The following SLC1A4 variants were observed in gnomAD, a reference collection of about 807,000 sequenced individuals.
SLC1A4 encodes the protein solute carrier family 1 member 4, also known as neutral amino acid transporter A.
A neutral mutation model predicts 37.7 loss-of-function variants in SLC1A4; 19 were observed. The observed-to-expected ratio is 0.50, with a 90% CI of 0.35 to 0.74. The LOEUF is 0.74. Ranked by LOEUF, SLC1A4 falls within the 30% of genes least tolerant of loss-of-function variation. The pLI is 0.01. For missense variants in SLC1A4, 570 were observed against 712.9 expected (o/e 0.80, Z 2.28); for synonymous variants, 299 against 309.8 (o/e 0.97, Z 0.37).
chr2:64,997,621 T>C (rs1046453636), intron 1 of SLC1A4, among the ~76,000 whole-genome samples: 2 of 152,236 alleles, frequency 1.3e-5, no homozygotes, highest in African/African-American at 4.8e-5. Context: ...GCTGAGATTA[T>C]CCATGTTGTT....
chr2:65,005,398 A>T (rs1012155643), intron 3 of SLC1A4, among the ~76,000 whole-genome samples: 4 of 152,208 alleles, frequency 2.6e-5, no homozygotes, highest in Admixed American at 6.5e-5. Flanking sequence ...TCCTGATTTT[A>T]AAAAATGGAG....
At chr2:64,988,825 C>A (rs1672905905), upstream of SLC1A4, among the ~76,000 whole-genome samples, 1 of 152,138 alleles carries the variant, frequency 6.6e-6, no homozygotes, top group Non-Finnish European at 1.5e-5. Flanking sequence ...CCTCACCGCG[C>A]CCGGCCCCCT....
Position 64,990,141 on chromosome 2 carries a change from G to C in SLC1A4, c.498G>C (p.Glu166Asp). The C allele has an allele frequency of 6.2e-7, 1 of 1,609,614 alleles. No homozygotes were observed. The highest frequency in any genetic ancestry group is 8.5e-7 in the Non-Finnish European group (1 of 1,177,622). Residue 166 changes from glutamate to aspartate, a missense_variant, in exon 1 of 8, where the codon GAG becomes GAC. Physicochemically the swap from Glu to Asp is conservative, Grantham distance 45. Coordinates refer to ENST00000234256, the MANE Select transcript of SLC1A4 (RefSeq NM_003038.5). ...EDSGPPPVPKETVDSFLDLAR... is the reference protein window; with the variant it reads ...EDSGPPPVPKDTVDSFLDLAR... ...CGGGGCCTCCTCCTGTCCCCAAAGAGACGGTGGACTCTTTCCTCGACCTGG... is the reference window on the plus strand; with the variant it reads ...CGGGGCCTCCTCCTGTCCCCAAAGACACGGTGGACTCTTTCCTCGACCTGG...
chr2:65,017,526 TC>T (rs1010590040), intron 5 of SLC1A4, among the ~76,000 whole-genome samples: 1 of 151,780 alleles, frequency 6.6e-6, no homozygotes, highest in African/African-American at 2.4e-5. Context: ...GGAAGGAAGT[TC>T]CTCTGGCCTA....
intron 3 of SLC1A4, among the ~76,000 whole-genome samples, chr2:65,007,872 T>TA (rs1485365997): frequency 6.6e-6 from 1 of 152,206 alleles, no homozygotes; most frequent in African/African-American, 2.4e-5. Context: ...AAATGTACAG[T>TA]AAATTATTGT....
At chr2:65,016,398 G>A (rs1169332116) in intron 4 of SLC1A4, 42 bp from the exon 5 acceptor site, 2 of 1,512,052 alleles carry the variant, frequency 1.3e-6, no homozygotes, top group South Asian at 2.2e-5. Context: ...TCTCACCCCA[G>A]CTTTATCCCC....
intron 2 of SLC1A4, among the ~76,000 whole-genome samples, chr2:65,002,794 T>G (rs1673528604): frequency 6.6e-6 from 1 of 151,994 alleles, no homozygotes; most frequent in Non-Finnish European, 1.5e-5. Context: ...GCCAGGATGG[T>G]CTCGATCTCC....
Position 64,989,999 on chromosome 2 carries a change from C to T in SLC1A4, c.356C>T (p.Ala119Val), listed in dbSNP as rs1407662441. The T allele has an allele frequency of 1.3e-6, 2 of 1,595,074 alleles. No individual in the cohort carries two copies. The highest frequency in any genetic ancestry group is 1.7e-6 in the Non-Finnish European group (2 of 1,170,786). ...GGGCGTCTGGGCGGCATCGCTGTCGCCTACTTTGGCCTCACCACACTGAGT... is the reference window on the plus strand; with the variant it reads ...GGGCGTCTGGGCGGCATCGCTGTCGTCTACTTTGGCCTCACCACACTGAGT... The part of the protein sequence containing the change: ...CLGRLGGIAV[A>V]YFGLTTLSAS... Residue 119 changes from alanine to valine, a missense_variant, in exon 1 of 8, where the codon GCC becomes GTC. By Grantham distance (64) the Ala-to-Val change is moderately conservative. Transcript: ENST00000234256.
In SLC1A4 at chr2:64,990,033, G is replaced by A; in HGVS notation, c.390G>A (p.Ala130=). 1.2e-6 allele frequency: 2 copies of A among 1,603,778 alleles called. No homozygotes were observed. The highest frequency in any genetic ancestry group is 1.3e-5 in the African/African-American group (1 of 74,940). ...GCCTCACCACACTGAGTGCCTCGGC[G>A]CTCGCCGTGGCCTTGGCGTTCATCA... is the stretch of plus-strand genomic sequence containing the variant. ...YFGLTTLSAS[A]LAVALAFIIK... The change falls in exon 1 of 8, where the codon GCG becomes GCA. Residue 130 remains alanine, a synonymous_variant. Transcript: ENST00000234256.
In SLC1A4 at chr2:65,022,226, G is replaced by A. The variant is rs1202699403; in HGVS notation, c.*1080G>A. The stretch of plus-strand genomic sequence containing the variant: ...GTTCCCAGGTCCCCTGGCTTTGGCT[G>A]ATTTCAAAATATAGAGCCCTTTCTT... On this transcript the variant is annotated 3_prime_UTR_variant, in exon 8 of 8. Coordinates refer to ENST00000234256, the MANE Select transcript of SLC1A4 (RefSeq NM_003038.5). The A allele has an allele frequency of 6.6e-6, 1 of 152,272 alleles. No individual in the cohort carries two copies. The highest frequency in any genetic ancestry group is 1.5e-5 in the Non-Finnish European group (1 of 68,050). The allele number at this position is 152,272 out of a possible 1,614,324, so 9.4% of individuals were successfully genotyped here. A position where few individuals can be genotyped will look rare whatever the true frequency, so the allele number is the denominator to read the frequency against.
In SLC1A4 at chr2:65,018,445, GT is replaced by G; in HGVS notation, c.1230-95del. The G allele has an allele frequency of 1.3e-6, 2 of 1,530,178 alleles. No individual in the cohort carries two copies. 94.8% of individuals were successfully genotyped at this position (1,530,178 alleles called of 1,614,324 possible). ...AGCCAGCAGAGCCTATGGTGGGGCG[GT>G]TTTTAGTTTCCAGCCACATTGCAGC... On this transcript the variant is annotated intron_variant, in intron 6 of 7. Transcript: ENST00000234256. The surrounding 1 kb of genome is among the most constrained non-coding windows in gnomAD (Gnocchi z 4.3).
At chr2:65,007,782 A>G (rs185888062) in intron 3 of SLC1A4, among the ~76,000 whole-genome samples, 31 of 152,370 alleles carry the variant, frequency 2.0e-4, no homozygotes, top group African/African-American at 7.2e-4. Flanking sequence ...AGATCAAATC[A>G]GTGTACTTGG....
chr2:65,003,086 T>C (rs1446338232), intron 2 of SLC1A4, among the ~76,000 whole-genome samples: 3 of 152,224 alleles, frequency 2.0e-5, no homozygotes, highest in African/African-American at 7.2e-5. Flanking sequence ...GGGCTTTTTT[T>C]AGTGCCTGTC....
At chr2:64,989,339 C>T, upstream of SLC1A4, 1 of 261,476 alleles carries the variant, frequency 3.8e-6, no homozygotes. Context: ...CGGGCTGGGG[C>T]CGCTGGCGCG....
intron 3 of SLC1A4, among the ~76,000 whole-genome samples, chr2:65,005,731 C>G (rs767262502): frequency 6.6e-6 from 1 of 152,238 alleles, no homozygotes; most frequent in Non-Finnish European, 1.5e-5. Context: ...CAGTGGCTTA[C>G]GCCTATAATC....
intron 1 of SLC1A4, among the ~76,000 whole-genome samples, chr2:64,998,236 CA>C (rs1673337836): frequency 9.0e-6 from 1 of 110,696 alleles, no homozygotes; most frequent in Non-Finnish European, 1.8e-5. Context: ...GACTCCGTCT[CA>C]GAAAAATAAA....
chr2:65,002,480 T>C (rs1313967719), intron 2 of SLC1A4, among the ~76,000 whole-genome samples: 1 of 151,068 alleles, frequency 6.6e-6, no homozygotes, highest in Non-Finnish European at 1.5e-5. Context: ...ATAATTCTCC[T>C]CTACTAGTCC....
chr2:65,017,587 A>G (rs974287574), intron 5 of SLC1A4, among the ~76,000 whole-genome samples: 1 of 152,182 alleles, frequency 6.6e-6, no homozygotes, highest in Non-Finnish European at 1.5e-5. Context: ...CAGAGCCCGC[A>G]GAGCCAGCTA....
chr2:64,992,322 G>A (rs1305419703), intron 1 of SLC1A4, among the ~76,000 whole-genome samples: 1 of 152,172 alleles, frequency 6.6e-6, no homozygotes, highest in African/African-American at 2.4e-5. Flanking sequence ...CCTGATCATG[G>A]TTTTCTAGTT....
Sources: allele counts gnomAD v4.1 joint callset (sites outside exome capture counted in the v4.1 genomes callset), GRCh38; gene constraint gnomAD v4.1.1; non-coding constraint Gnocchi (gnomAD v3.1); transcripts MANE v1.5; gene names NCBI Gene and HGNC (gene_info 2026-07-23, HGNC 2026-07-21).